The following TRHDE variants were observed in gnomAD, a reference collection of about 807,000 sequenced individuals.
TRHDE encodes thyrotropin-releasing hormone-degrading ectoenzyme.
Under a neutral mutation model 125.7 loss-of-function variants are expected in TRHDE, and 72 were observed. The observed-to-expected ratio is 0.57, with a 90% confidence interval of 0.47 to 0.70. The LOEUF (loss-of-function observed/expected upper bound fraction) is 0.70. TRHDE is among the 30% of genes least tolerant of loss of function. TRHDE has a pLI of 0.00. For missense variants in TRHDE, 1,110 were observed against 1,327.1 expected (o/e 0.84, Z 2.54); for synonymous variants, 509 against 509.1 (o/e 1.00, Z 0.00).
At chr12:72,377,886 G>C in intron 2 of TRHDE, 109 bp from the exon 3 acceptor site, 1 of 758,338 alleles carries the variant, frequency 1.3e-6, no homozygotes, top group Non-Finnish European at 2.0e-6. Flanking sequence ...CGAGAATCCT[G>C]TTTAAGTTTT....
At chr12:72,520,729 A>G (rs1879155607) in intron 6 of TRHDE, among the ~76,000 whole-genome samples, 1 of 152,182 alleles carries the variant, frequency 6.6e-6, no homozygotes, top group African/African-American at 2.4e-5. Context: ...TTTTTGCCTG[A>G]AACAGTGACA....
intron 2 of TRHDE, among the ~76,000 whole-genome samples, chr12:72,318,966 T>A (rs1055475443): frequency 2.6e-5 from 4 of 152,094 alleles, no homozygotes; most frequent in African/African-American, 9.7e-5. Context: ...CTCTCCCGAA[T>A]CGACATAGTG....
Position 72,621,746 on chromosome 12 carries a change from G to A in TRHDE, c.2670G>A (p.Arg890=), listed in dbSNP as rs1873061174. 5.6e-6 allele frequency: 9 copies of A among 1,601,640 alleles called. No homozygotes were observed. The African/African-American group carries it at 9.5e-5, about 17-fold the overall frequency. Residue 890 remains arginine (R), a synonymous_variant, in exon 15 of 19, where the codon AGG becomes AGA. Transcript: ENST00000261180. ...TTTCAGATTGGATTTCCAGCAACAG[G>A]AACAGGTAAACTGAGCCAAATCCTG... is the stretch of plus-strand genomic sequence containing the variant. ...TLISDWISSN[R]NRIPLNVRDI...
chr12:72,173,182 T>C (rs1158374868), intron 2 of TRHDE, among the ~76,000 whole-genome samples: 1 of 152,192 alleles, frequency 6.6e-6, no homozygotes, highest in Non-Finnish European at 1.5e-5. Flanking sequence ...ATTAGAAATA[T>C]GTGTTTGGGG....
At chr12:72,573,829 T>C (rs955976879) in intron 10 of TRHDE, among the ~76,000 whole-genome samples, 1 of 152,004 alleles carries the variant, frequency 6.6e-6, no homozygotes, top group African/African-American at 2.4e-5. Context: ...GCAGGAGATA[T>C]AAGATGAACC....
chr12:72,437,406 G>C (rs1954634636), intron 3 of TRHDE, among the ~76,000 whole-genome samples: 1 of 151,706 alleles, frequency 6.6e-6, no homozygotes, highest in Non-Finnish European at 1.5e-5. Context: ...CGATATTTTA[G>C]GCTTTTAAAA....
intron 15 of TRHDE, among the ~76,000 whole-genome samples, chr12:72,646,854 TGAAG>T (rs574238519): frequency 3.2e-4 from 49 of 151,966 alleles, no homozygotes; most frequent in Middle Eastern, 3.4e-3. Flanking sequence ...TTGACAGAAC[TGAAG>T]GGAGAAATAA....
chr12:72,364,712 G>C (rs956057), intron 2 of TRHDE, among the ~76,000 whole-genome samples: 1 of 152,040 alleles, frequency 6.6e-6, no homozygotes, highest in African/African-American at 2.4e-5. Context: ...TGTTGATTTA[G>C]AAAGGAAGAT....
intron 2 of TRHDE, among the ~76,000 whole-genome samples, chr12:72,238,333 T>TATATATATATATAC (rs1816632069): frequency 3.3e-5 from 1 of 30,484 alleles, no homozygotes; most frequent in Middle Eastern, 0.018. Flanking sequence ...CATATATATA[T>TATATATATATATAC]ACACATTATA....
At chr12:72,173,116 T>TTAA (rs1260062214) in intron 2 of TRHDE, among the ~76,000 whole-genome samples, 8 of 152,242 alleles carry the variant, frequency 5.3e-5, no homozygotes, top group Non-Finnish European at 1.0e-4. Flanking sequence ...TTTAACTACA[T>TTAA]CTTTCATTGT....
intron 15 of TRHDE, among the ~76,000 whole-genome samples, chr12:72,638,625 T>C (rs891918404): frequency 4.6e-5 from 7 of 152,188 alleles, no homozygotes; most frequent in Admixed American, 1.3e-4. Flanking sequence ...TTTGGCATGA[T>C]TTTGCAGCGG....
intron 3 of TRHDE, among the ~76,000 whole-genome samples, chr12:72,411,753 A>C (rs1366937749): frequency 6.6e-6 from 1 of 152,168 alleles, no homozygotes; most frequent in South Asian, 2.1e-4. Context: ...TTTTAAAGTT[A>C]TGTAATTATG....
chr12:72,245,772 C>CAT (rs140284308), intron 2 of TRHDE, among the ~76,000 whole-genome samples: 2,752 of 151,862 alleles, frequency 0.018, 92 homozygotes, highest in African/African-American at 0.062. Flanking sequence ...TATACACACA[C>CAT]ATATATATAT....
chr12:72,166,845 A>G (rs1323709147), intron 2 of TRHDE, among the ~76,000 whole-genome samples: 1 of 152,094 alleles, frequency 6.6e-6, no homozygotes, highest in East Asian at 1.9e-4. Flanking sequence ...AATGGGCAGA[A>G]CATACAGTGA....
intron 3 of TRHDE, among the ~76,000 whole-genome samples, chr12:72,399,525 T>G (rs751648263): frequency 1.3e-5 from 2 of 152,188 alleles, no homozygotes; most frequent in Non-Finnish European, 2.9e-5. Flanking sequence ...ATTATTCACA[T>G]AAGAACATAA....
intron 2 of TRHDE, among the ~76,000 whole-genome samples, chr12:72,129,009 G>A (rs1875790456): frequency 6.6e-6 from 1 of 152,162 alleles, no homozygotes; most frequent in South Asian, 2.1e-4. Context: ...CTCAAAACCA[G>A]TGTTAAAGAG....
At chr12:72,439,382 C>CT (rs1874893860) in intron 3 of TRHDE, among the ~76,000 whole-genome samples, 1 of 151,716 alleles carries the variant, frequency 6.6e-6, no homozygotes, top group Non-Finnish European at 1.5e-5. Context: ...CTATAAATTG[C>CT]TTTGAGTAAT....
At chr12:72,279,882 A>C (rs151120910) in intron 1 of TRHDE, among the ~76,000 whole-genome samples, 1,684 of 152,296 alleles carry the variant, frequency 0.011, 14 homozygotes, top group Non-Finnish European at 0.018. Context: ...TTTTGTTTTA[A>C]TCATTCACAT....
chr12:72,132,197 G>C (rs763246989), intron 2 of TRHDE, among the ~76,000 whole-genome samples: 13 of 152,192 alleles, frequency 8.5e-5, no homozygotes, highest in Non-Finnish European at 1.8e-4. Flanking sequence ...AGTGGGGAAT[G>C]TGGGAAGCCT....
Sources: gnomAD v4.1 joint callset for allele counts (sites outside exome capture counted in the v4.1 genomes callset) on GRCh38, gnomAD v4.1.1 for gene constraint, MANE v1.5 for transcripts, NCBI Gene and HGNC (gene_info 2026-07-23, HGNC 2026-07-21) for gene names.